CALN1: variants seen among roughly 807,000 people sequenced by gnomAD.
CALN1 encodes calneuron 1.
In CALN1, 17 loss-of-function variants were observed where a neutral mutation model predicts 30.6. The ratio of observed to expected loss-of-function variants is 0.56; its 90% CI spans 0.38 to 0.83. CALN1 has a LOEUF of 0.83. Among genes scored for constraint, CALN1 ranks in the 40% least tolerant of loss-of-function variants. The probability of loss-of-function intolerance (pLI) is 0.00; values close to 1 mark genes in which losing one functional copy is unlikely to be tolerated. For missense variants in CALN1, 291 were observed against 354.9 expected, an observed-to-expected ratio of 0.82 and a Z score of 1.45; for synonymous variants, 156 against 131.4, an observed-to-expected ratio of 1.19 and a Z score of -1.28.
intron 2 of CALN1, among the ~76,000 whole-genome samples, chr7:72,352,923 C>T (rs1003575539): frequency 2.6e-5 from 4 of 151,516 alleles, no homozygotes; most frequent in Non-Finnish European, 5.9e-5. Flanking sequence ...TAGATCCTAA[C>T]GATATAAAAA....
chr7:71,799,450 T>TTAGTTAG (rs1787173139), intron 6 of CALN1, among the ~76,000 whole-genome samples: 16 of 69,122 alleles, frequency 2.3e-4, no homozygotes, highest in African/African-American at 5.0e-4. Context: ...TATTTATTTA[T>TTAGTTAG]TTAGTTAGTT....
intron 4 of CALN1, among the ~76,000 whole-genome samples, chr7:72,035,469 A>T (rs139655991): frequency 2.2e-4 from 33 of 152,248 alleles, no homozygotes; most frequent in African/African-American, 7.0e-4. Context: ...ATAAGGAGGA[A>T]CTTACTTCTG....
intron 4 of CALN1, among the ~76,000 whole-genome samples, chr7:72,071,780 A>G (rs1804411911): frequency 6.6e-6 from 1 of 152,234 alleles, no homozygotes; most frequent in Non-Finnish European, 1.5e-5. Flanking sequence ...TAAATCAACA[A>G]AAACTGTCTT....
intron 3 of CALN1, among the ~76,000 whole-genome samples, chr7:72,191,374 G>C (rs1038639661): frequency 2.0e-5 from 3 of 152,082 alleles, no homozygotes; most frequent in Admixed American, 6.6e-5. Flanking sequence ...GGGCGACGCA[G>C]GTGGATCACT....
intron 3 of CALN1, among the ~76,000 whole-genome samples, chr7:72,223,016 G>A (rs1422003131): frequency 6.6e-6 from 1 of 152,104 alleles, no homozygotes; most frequent in African/African-American, 2.4e-5. Context: ...GCAAGACCTT[G>A]TCTCTAAAAA....
chr7:72,442,244 C>T (rs772610913), intron 1 of CALN1, among the ~76,000 whole-genome samples: 18 of 152,356 alleles, frequency 1.2e-4, no homozygotes, highest in Non-Finnish European at 2.1e-4. Flanking sequence ...CACCCACAAT[C>T]TTTCCTCAAC....
At chr7:72,267,117 T>G (rs1171336401) in intron 3 of CALN1, among the ~76,000 whole-genome samples, 7 of 152,206 alleles carry the variant, frequency 4.6e-5, no homozygotes, top group African/African-American at 1.7e-4. Flanking sequence ...GTAACAGGAA[T>G]GTTTCTGCCT....
intron 1 of CALN1, among the ~76,000 whole-genome samples, chr7:72,439,554 A>C (rs1005470860): frequency 2.6e-5 from 4 of 151,684 alleles, no homozygotes; most frequent in Non-Finnish European, 5.9e-5. Context: ...GTGGATCATC[A>C]TAAAGGTCTT....
intron 5 of CALN1, among the ~76,000 whole-genome samples, chr7:72,010,805 CA>C (rs201289509): frequency 0.053 from 5,138 of 96,812 alleles, 261 homozygotes; most frequent in African/African-American, 0.16. Flanking sequence ...GACCCTGTCT[CA>C]AAAAAAAAAA....
intron 5 of CALN1, among the ~76,000 whole-genome samples, chr7:72,010,489 T>C (rs578015100): frequency 1.3e-5 from 2 of 152,158 alleles, no homozygotes; most frequent in South Asian, 4.2e-4. Context: ...TTTTCCATCA[T>C]ACTGGCAGAA....
upstream of CALN1, among the ~76,000 whole-genome samples, chr7:72,447,675 C>T (rs1490475792): frequency 6.6e-6 from 1 of 151,494 alleles, no homozygotes; most frequent in Non-Finnish European, 1.5e-5. Flanking sequence ...CATGCACACA[C>T]CCATGCCTGC....
At chr7:72,268,409 G>A (rs766786720) in intron 3 of CALN1, among the ~76,000 whole-genome samples, 21 of 152,198 alleles carry the variant, frequency 1.4e-4, no homozygotes, top group Non-Finnish European at 2.9e-4. Context: ...CATGGCTGTA[G>A]GCTGTAGAGA....
At chr7:72,065,462 C>T (rs1803956529) in intron 4 of CALN1, among the ~76,000 whole-genome samples, 1 of 152,040 alleles carries the variant, frequency 6.6e-6, no homozygotes, top group African/African-American at 2.4e-5. Flanking sequence ...CATGACAACC[C>T]TTCAAATACC....
the CALN1 span, among the ~76,000 whole-genome samples, chr7:72,471,688 G>A: frequency 1.3e-5 from 2 of 152,208 alleles, no homozygotes; most frequent in Non-Finnish European, 2.9e-5. Context: ...TTTTGGGGAG[G>A]AGCTGGCCCA....
chr7:72,110,432 A>C (rs1305876634), intron 3 of CALN1, among the ~76,000 whole-genome samples: 1 of 152,224 alleles, frequency 6.6e-6, no homozygotes, highest in African/African-American at 2.4e-5. Context: ...CTTACTCTGT[A>C]GTCTGTAGCA....
At chr7:72,035,967 T>C (rs73369809) in intron 4 of CALN1, among the ~76,000 whole-genome samples, 5,141 of 152,296 alleles carry the variant, frequency 0.034, 291 homozygotes, top group African/African-American at 0.11. Flanking sequence ...TTCAAGTTAC[T>C]GTCTAGTGTC....
intron 2 of CALN1, among the ~76,000 whole-genome samples, chr7:72,370,669 A>G (rs1804183379): frequency 6.6e-6 from 1 of 151,968 alleles, no homozygotes; most frequent in South Asian, 2.1e-4. Context: ...AAAAAAAAAA[A>G]AAAGTAAAAT....
intron 1 of CALN1, chr7:72,446,956 G>A (rs1808546027): frequency 6.6e-6 from 1 of 152,472 alleles, no homozygotes; most frequent in African/African-American, 2.4e-5. Flanking sequence ...AAGCAGAAGG[G>A]GGAAGGCAGG....
chr7:72,032,366 T>G (rs933356309), intron 4 of CALN1, among the ~76,000 whole-genome samples: 2 of 152,134 alleles, frequency 1.3e-5, no homozygotes, highest in African/African-American at 4.8e-5. Context: ...AATTTTTAAA[T>G]TTTTTGTAGA....
Sources: gnomAD v4.1 joint callset for allele counts (sites outside exome capture counted in the v4.1 genomes callset) on GRCh38, gnomAD v4.1.1 for gene constraint, MANE v1.5 for transcripts, NCBI Gene and HGNC (gene_info 2026-07-23, HGNC 2026-07-21) for gene names.